ANKS1A: variants seen among roughly 807,000 people sequenced by gnomAD.
ANKS1A encodes the protein ankyrin repeat and SAM domain-containing protein 1A.
Under a neutral mutation model 120.3 loss-of-function variants are expected in ANKS1A, and 55 were observed. The ratio of observed to expected loss-of-function variants is 0.46; its 90% confidence interval spans 0.37 to 0.57. The LOEUF is 0.57. ANKS1A is among the 20% of genes least tolerant of loss of function. The pLI is 0.00. For synonymous variants in ANKS1A, 590 were observed against 604.7 expected, an observed-to-expected ratio of 0.98 and a Z score of 0.36; for missense variants, 1,123 against 1,480.3, an observed-to-expected ratio of 0.76 and a Z score of 3.96.
At chr6:34,950,954 C>T (rs557521091) in intron 1 of ANKS1A, among the ~76,000 whole-genome samples, 1 of 152,310 alleles carries the variant, frequency 6.6e-6, no homozygotes, top group Non-Finnish European at 1.5e-5. Context: ...AGAGTCTTTG[C>T]CAGTGTGTGT....
intron 1 of ANKS1A, among the ~76,000 whole-genome samples, chr6:34,957,633 A>G (rs539989651): frequency 2.0e-5 from 3 of 152,060 alleles, no homozygotes; most frequent in Non-Finnish European, 1.5e-5. Flanking sequence ...GCTGCCTAGG[A>G]CCTCTCTTCC....
At chr6:34,914,704 C>T (rs1287075425) in intron 1 of ANKS1A, among the ~76,000 whole-genome samples, 1 of 152,160 alleles carries the variant, frequency 6.6e-6, no homozygotes. Flanking sequence ...TTTGGGCTTC[C>T]TGTGTTATTG....
intron 12 of ANKS1A, 138 bp downstream of exon 12, chr6:35,054,303 T>G: frequency 1.4e-6 from 1 of 727,070 alleles, no homozygotes; most frequent in East Asian, 2.7e-5. Context: ...GCTCCTATAA[T>G]TCAGTCTCCA....
intron 1 of ANKS1A, 142 bp from the exon 2 acceptor site, chr6:34,967,097 T>C (rs974649251): frequency 4.3e-6 from 3 of 700,100 alleles, no homozygotes; most frequent in East Asian, 5.1e-5. Context: ...AGCTGCTGTG[T>C]GTTATCAGGA....
intron 1 of ANKS1A, among the ~76,000 whole-genome samples, chr6:34,900,908 G>A (rs913965315): frequency 2.6e-5 from 4 of 151,840 alleles, no homozygotes; most frequent in South Asian, 2.1e-4. Flanking sequence ...ATGCCTTTAC[G>A]TCTATGCCAA....
At chr6:34,987,408 T>G (rs1415865397) in intron 8 of ANKS1A, among the ~76,000 whole-genome samples, 1 of 151,128 alleles carries the variant, frequency 6.6e-6, no homozygotes, top group South Asian at 2.1e-4. Context: ...TTCCTTTTTG[T>G]TTTTTTTTCC....
intron 17 of ANKS1A, 111 bp downstream of exon 17, chr6:35,081,269 C>T: frequency 2.2e-6 from 3 of 1,384,730 alleles, no homozygotes; most frequent in Middle Eastern, 2.6e-4. Flanking sequence ...TGGGCTGGCA[C>T]CAGAGTCAGG....
At chr6:34,954,381 G>A (rs542877344) in intron 1 of ANKS1A, among the ~76,000 whole-genome samples, 10 of 152,338 alleles carry the variant, frequency 6.6e-5, no homozygotes, top group African/African-American at 2.4e-4. Context: ...GGTATTGTGT[G>A]TGTGCATTCA....
chr6:34,900,776 CT>C (rs891662250), intron 1 of ANKS1A, among the ~76,000 whole-genome samples: 35 of 152,104 alleles, frequency 2.3e-4, no homozygotes, highest in African/African-American at 8.4e-4. Context: ...GGACTTCTTC[CT>C]TTTACCCAAG....
intron 8 of ANKS1A, among the ~76,000 whole-genome samples, chr6:34,987,700 C>T (rs530611279): frequency 6.6e-6 from 1 of 152,226 alleles, no homozygotes; most frequent in Admixed American, 6.5e-5. Flanking sequence ...GCAGTGAAGC[C>T]TGTTTTAAGA....
chr6:35,025,175 T>G (rs1774552531), intron 11 of ANKS1A, among the ~76,000 whole-genome samples: 1 of 152,092 alleles, frequency 6.6e-6, no homozygotes, highest in African/African-American at 2.4e-5. Context: ...CTCATTTATT[T>G]TATAGGCAGC....
At chr6:35,031,106 G>C (rs1325446870) in intron 11 of ANKS1A, among the ~76,000 whole-genome samples, 1 of 152,178 alleles carries the variant, frequency 6.6e-6, no homozygotes, top group Non-Finnish European at 1.5e-5. Context: ...GCTTCCAGAG[G>C]TACCACACCT....
intron 1 of ANKS1A, among the ~76,000 whole-genome samples, chr6:34,928,791 A>G (rs555607824): frequency 2.5e-4 from 38 of 152,320 alleles, no homozygotes; most frequent in African/African-American, 9.1e-4. Context: ...ATCTCCCTTC[A>G]GTTAGCCAGA....
At chr6:35,063,528 C>A (rs544913320) in intron 13 of ANKS1A, among the ~76,000 whole-genome samples, 1 of 152,188 alleles carries the variant, frequency 6.6e-6, no homozygotes, top group Non-Finnish European at 1.5e-5. Flanking sequence ...GGGAATGTCC[C>A]CCTTGTAGTG....
chr6:35,090,293 G>A lies in ANKS1A; in HGVS notation c.*1684G>A, dbSNP rs1004460127. 7.0e-6 allele frequency: 9 copies of A among 1,289,582 alleles called. No individual in the cohort carries two copies. The African/African-American group carries it at 1.4e-4, about 20-fold the overall frequency. The allele number at this position is 1,289,582 out of a possible 1,614,324, so 79.9% of individuals were successfully genotyped here. ...CGGCCCCGGCTTTCTTCCAAGAGTT[G>A]ACCAGGAACCCTAAAGCATCCAGAG... On this transcript the variant is annotated 3_prime_UTR_variant, in exon 24 of 24. Coordinates refer to ENST00000360359, the MANE Select transcript of ANKS1A (RefSeq NM_015245.3).
chr6:34,932,530 G>A (rs1000048247), intron 1 of ANKS1A, among the ~76,000 whole-genome samples: 24 of 152,142 alleles, frequency 1.6e-4, no homozygotes, highest in African/African-American at 5.3e-4. Context: ...GATTACAAGC[G>A]TGCATCACCA....
At chr6:34,890,930 C>G (rs73421507) in intron 1 of ANKS1A, among the ~76,000 whole-genome samples, 1 of 152,002 alleles carries the variant, frequency 6.6e-6, no homozygotes, top group Admixed American at 6.6e-5. Context: ...TGAGTACCAA[C>G]CCAGGTCTTT....
chr6:34,943,462 G>T (rs1007291854), intron 1 of ANKS1A, among the ~76,000 whole-genome samples: 1 of 152,162 alleles, frequency 6.6e-6, no homozygotes, highest in Non-Finnish European at 1.5e-5. Context: ...GGCTCACTCT[G>T]TGTGTTATAT....
chr6:35,062,479 G>A (rs1033085800), intron 13 of ANKS1A, among the ~76,000 whole-genome samples: 1 of 152,216 alleles, frequency 6.6e-6, no homozygotes, highest in Non-Finnish European at 1.5e-5. Context: ...CATGTGGTTA[G>A]GTTTCCAATA....
Sources: gnomAD v4.1 joint callset for allele counts (sites outside exome capture counted in the v4.1 genomes callset) on GRCh38, gnomAD v4.1.1 for gene constraint, MANE v1.5 for transcripts, NCBI Gene and HGNC (gene_info 2026-07-23, HGNC 2026-07-21) for gene names.